The following ADAMTS20 variants were observed in gnomAD, a reference collection of about 807,000 sequenced individuals.
The protein encoded by ADAMTS20 is A disintegrin and metalloproteinase with thrombospondin motifs 20.
In ADAMTS20, 225 loss-of-function variants were observed where a neutral mutation model predicts 260.1. The ratio of observed to expected loss-of-function variants is 0.87; its 90% confidence interval spans 0.78 to 0.97. The LOEUF (loss-of-function observed/expected upper bound fraction) is 0.97. ADAMTS20 is among the 50% of genes least tolerant of loss of function. The probability of loss-of-function intolerance (pLI) is 0.00; values close to 1 mark genes in which losing one functional copy is unlikely to be tolerated. For synonymous variants in ADAMTS20, 802 were observed against 769.5 expected (o/e 1.04, Z -0.70); for missense variants, 2,400 against 2,337.7 (o/e 1.03, Z -0.55).
chr12:43,359,985 T>A (rs1284592296), intron 37 of ADAMTS20, among the ~76,000 whole-genome samples: 1 of 152,158 alleles, frequency 6.6e-6, no homozygotes, highest in Non-Finnish European at 1.5e-5. Context: ...AAGAAAAATT[T>A]GACTTTATTA....
chr12:43,384,046 G>A, intron 29 of ADAMTS20, 69 bp from the exon 30 acceptor site: 1 of 1,371,206 alleles, frequency 7.3e-7, no homozygotes, highest in East Asian at 2.5e-5. Flanking sequence ...GTAGCCAATG[G>A]AGCCATTACA....
chr12:43,419,045 C>T (rs1481301054), intron 28 of ADAMTS20, among the ~76,000 whole-genome samples: 6 of 152,066 alleles, frequency 3.9e-5, no homozygotes, highest in East Asian at 1.9e-4. Flanking sequence ...TCAAAACTAA[C>T]GAGTCTACTA....
chr12:43,386,561 A>C (rs930959553), intron 29 of ADAMTS20, among the ~76,000 whole-genome samples: 10 of 152,164 alleles, frequency 6.6e-5, no homozygotes, highest in Non-Finnish European at 1.5e-4. Flanking sequence ...GTTCTCCTGA[A>C]TAATATACTA....
At chr12:43,456,424 T>C (rs79936502) in intron 11 of ADAMTS20, among the ~76,000 whole-genome samples, 2,064 of 152,244 alleles carry the variant, frequency 0.014, 51 homozygotes, top group African/African-American at 0.047. Flanking sequence ...TGCTTCTCCT[T>C]GAAAGAGTCG....
At chr12:43,384,069 T>C in intron 29 of ADAMTS20, 92 bp from the exon 30 acceptor site, 3 of 1,156,894 alleles carry the variant, frequency 2.6e-6, no homozygotes, top group Non-Finnish European at 3.5e-6. Flanking sequence ...TTATTTATTT[T>C]AAATACAGCC....
chr12:43,382,759 G>A (rs1318765234), intron 31 of ADAMTS20, among the ~76,000 whole-genome samples: 1 of 151,912 alleles, frequency 6.6e-6, no homozygotes, highest in Non-Finnish European at 1.5e-5. Context: ...AAAATGTTAA[G>A]TAGAGATATG....
intron 31 of ADAMTS20, among the ~76,000 whole-genome samples, chr12:43,380,241 C>T (rs1940320211): frequency 6.6e-6 from 1 of 152,112 alleles, no homozygotes; most frequent in African/African-American, 2.4e-5. Context: ...ATCTAACACA[C>T]TTTCATAATA....
chr12:43,495,617 T>C (rs989405038), intron 4 of ADAMTS20, among the ~76,000 whole-genome samples: 4 of 152,212 alleles, frequency 2.6e-5, no homozygotes, highest in African/African-American at 9.6e-5. Context: ...ATGATTGCTT[T>C]ATTATCTCTT....
rs1940026455 is a variant in ADAMTS20 at position 43,368,092 on chromosome 12, A to G, written c.5538+1198T>C. Among the ~76,000 whole-genome samples the G allele has an allele frequency of 2.0e-5, 3 of 152,040 alleles. No homozygotes were observed. In the South Asian group the frequency reaches 6.2e-4, roughly 31 times the overall value. On this transcript the variant is annotated intron_variant, in intron 37 of 38. Coordinates refer to ENST00000389420, the MANE Select transcript of ADAMTS20 (RefSeq NM_025003.5). The stretch of plus-strand genomic sequence containing the variant: ...ACCTTCTCCATTTTCCTTAGTTGAC[A>G]TGATTCAAACCCTTCTTTCTTTCCT...
chr12:43,442,285 T>C (rs1057059444), intron 16 of ADAMTS20, among the ~76,000 whole-genome samples: 1 of 151,762 alleles, frequency 6.6e-6, no homozygotes, highest in African/African-American at 2.4e-5. Context: ...GAGACAGAGT[T>C]TTGCTCTTGT....
At chr12:43,412,717 G>A (rs1356619530) in intron 28 of ADAMTS20, among the ~76,000 whole-genome samples, 1 of 151,510 alleles carries the variant, frequency 6.6e-6, no homozygotes, top group Non-Finnish European at 1.5e-5. Context: ...CCTATTTCTA[G>A]ATGTGAAAAT....
rs780775071 is a variant in ADAMTS20 at position 43,428,444 on chromosome 12, G to T, written c.3742C>A (p.Pro1248Thr). 5 of 1,613,768 alleles carry T rather than the reference G, an allele frequency of 3.1e-6. No individual in the cohort carries two copies. ...HQPIDENYCD[P>T]EVRPLMEQEC... Reference sequence around the variant, plus strand: ...TGTTCCATCAAAGGGCGAACTTCAGGATCACAGTAATTCTCATCAATTGGC... The same window carrying T: ...TGTTCCATCAAAGGGCGAACTTCAGTATCACAGTAATTCTCATCAATTGGC... The change falls in exon 26 of 39, where the codon CCT becomes ACT. Residue 1248 changes from proline to threonine, a missense_variant. Transcript: ENST00000389420.
In ADAMTS20 at chr12:43,551,769, C is replaced by G; in HGVS notation, c.91+62G>C. 3.2e-6 allele frequency: 5 copies of G among 1,541,732 alleles called. No homozygotes were observed. The highest frequency in any genetic ancestry group is 4.5e-6 in the Non-Finnish European group (5 of 1,118,642). On this transcript the variant is annotated intron_variant, in intron 1 of 38. Transcript: ENST00000389420. The surrounding 1 kb of genome is among the most constrained non-coding windows in gnomAD (Gnocchi z 4.6). ...CTGAGCCGCTCGTCCCCGCGACCTG[C>G]ATGTCCCACTCGGGCCCCGCGCCCC...
Position 43,375,373 on chromosome 12 carries a change from A to G in ADAMTS20, c.5446+6T>C. On this transcript the variant is annotated splice_donor_region_variant and intron_variant, in intron 36 of 38. Transcript: ENST00000389420. ...TTTGATTTTAAAATATAGATTGAGC[A>G]CTTACTTTTAATTTGCATGGAAGTG... is the stretch of plus-strand genomic sequence containing the variant. 1 of 1,610,930 alleles carries G rather than the reference A, an allele frequency of 6.2e-7. No individual in the cohort carries two copies. The highest frequency in any genetic ancestry group is 8.5e-7 in the Non-Finnish European group (1 of 1,179,144).
intron 18 of ADAMTS20, among the ~76,000 whole-genome samples, chr12:43,435,499 C>T (rs537970282): frequency 1.2e-4 from 18 of 151,348 alleles, no homozygotes; most frequent in African/African-American, 3.9e-4. Flanking sequence ...ATCAGCCAGG[C>T]GTGGTGGTGG....
At position 43,427,474 on chromosome 12, in the gene ADAMTS20, C is replaced by G; in HGVS notation, c.3946-5G>C. 2 of 1,598,502 alleles carry G rather than the reference C, an allele frequency of 1.3e-6. No homozygotes were observed. Among genetic ancestry groups the G allele is most frequent in the Non-Finnish European group, 1.7e-6 (2 of 1,174,066 alleles). ...TCCAGAACAACTGCTGGAGCACTGA[C>G]AAGAATAAAACACAAAATATGCACA... On this transcript the variant is annotated splice_polypyrimidine_tract_variant and splice_region_variant and intron_variant, in intron 26 of 38. Transcript: ENST00000389420.
chr12:43,378,996 T>G (rs1299332640), intron 31 of ADAMTS20, among the ~76,000 whole-genome samples: 3 of 152,216 alleles, frequency 2.0e-5, no homozygotes, highest in Non-Finnish European at 2.9e-5. Flanking sequence ...ATTCTCTTCT[T>G]TCTAGCTCCA....
chr12:43,362,573 C>T (rs1170487311), intron 37 of ADAMTS20, among the ~76,000 whole-genome samples: 1 of 152,166 alleles, frequency 6.6e-6, no homozygotes, highest in Non-Finnish European at 1.5e-5. Context: ...CCCATGGACA[C>T]TCTCTCCAGT....
At position 43,427,387 on chromosome 12, in the gene ADAMTS20, T is replaced by G. The variant is rs761371083; in HGVS notation, c.4028A>C (p.Asp1343Ala). ...TAACTCTGGAGGCTTGGAGGCTGCA[T>G]CGCAGTAACTAGCACTTTGTCCATT... ...DENGQSASYC[D>A]AASKPPELQQ... Residue 1343 changes from aspartate to alanine, a missense_variant, in exon 27 of 39, where the codon GAT becomes GCT. By Grantham distance (126) the Asp-to-Ala change is moderately radical. Coordinates refer to ENST00000389420, the MANE Select transcript of ADAMTS20 (RefSeq NM_025003.5). 2 of 1,613,960 alleles carry G rather than the reference T, an allele frequency of 1.2e-6. No homozygotes were observed. The highest frequency in any genetic ancestry group is 1.7e-6 in the Non-Finnish European group (2 of 1,179,874).
Sources: allele counts gnomAD v4.1 joint callset (sites outside exome capture counted in the v4.1 genomes callset), GRCh38; gene constraint gnomAD v4.1.1; non-coding constraint Gnocchi (gnomAD v3.1); transcripts MANE v1.5; gene names NCBI Gene and HGNC (gene_info 2026-07-23, HGNC 2026-07-21).